TRAT1: variants seen among roughly 807,000 people sequenced by gnomAD.
The protein encoded by TRAT1 is T-cell receptor-associated transmembrane adapter 1.
TRAT1 carries 20 observed loss-of-function variants against 20.0 expected under a neutral mutation model. The observed-to-expected ratio is 1.00, with a 90% CI of 0.70 to 1.45. The LOEUF (loss-of-function observed/expected upper bound fraction) is 1.45, where lower values mean the gene tolerates loss of function less well. Among genes scored for constraint, TRAT1 ranks in the 40% most tolerant of loss-of-function variants. TRAT1 has a pLI of 0.00. For missense variants in TRAT1, 237 were observed against 224.1 expected (o/e 1.06, Z -0.37); for synonymous variants, 77 against 74.2 (o/e 1.04, Z -0.20).
At chr3:108,841,460 T>C (rs1293816340) in intron 3 of TRAT1, among the ~76,000 whole-genome samples, 1 of 152,068 alleles carries the variant, frequency 6.6e-6, no homozygotes, top group Non-Finnish European at 1.5e-5. Context: ...CTGAATCCAT[T>C]AAACATTAAA....
chr3:108,836,002 C>T (rs574741964), intron 2 of TRAT1, among the ~76,000 whole-genome samples: 1 of 152,294 alleles, frequency 6.6e-6, no homozygotes, highest in Admixed American at 6.5e-5. Context: ...TCACTACAAC[C>T]TCTGCCTCCT....
At chr3:108,824,022 C>G (rs1945715191) in intron 1 of TRAT1, among the ~76,000 whole-genome samples, 1 of 152,120 alleles carries the variant, frequency 6.6e-6, no homozygotes, top group Non-Finnish European at 1.5e-5. Flanking sequence ...CAGGCGCGTG[C>G]CACCACGCCT....
intron 2 of TRAT1, among the ~76,000 whole-genome samples, chr3:108,831,248 T>C (rs2107507609): frequency 6.6e-6 from 1 of 152,250 alleles, no homozygotes; most frequent in South Asian, 2.1e-4. Flanking sequence ...AAGGAAGAGA[T>C]TGAACCATGG....
chr3:108,823,188 A>G (rs1945708545), intron 1 of TRAT1, among the ~76,000 whole-genome samples: 1 of 152,188 alleles, frequency 6.6e-6, no homozygotes, highest in Non-Finnish European at 1.5e-5. Flanking sequence ...TTCACTGATA[A>G]TTATGCCATG....
intron 2 of TRAT1, among the ~76,000 whole-genome samples, chr3:108,837,802 T>C (rs1945853307): frequency 6.6e-6 from 1 of 152,206 alleles, no homozygotes; most frequent in South Asian, 2.1e-4. Flanking sequence ...GAAAATTTAC[T>C]GATGAATGGA....
chr3:108,843,865 T>G (rs915756426), intron 3 of TRAT1, among the ~76,000 whole-genome samples: 1 of 152,228 alleles, frequency 6.6e-6, no homozygotes, highest in Non-Finnish European at 1.5e-5. Flanking sequence ...ACCTCCCTCT[T>G]TGGTTTTCTT....
chr3:108,849,237 G>A lies in TRAT1; in HGVS notation c.286G>A (p.Ala96Thr), dbSNP rs1248320854. The A allele has an allele frequency of 5.0e-6, 8 of 1,614,056 alleles. No individual in the cohort carries two copies. Among genetic ancestry groups the A allele is most frequent in the Non-Finnish European group, 6.8e-6 (8 of 1,179,968 alleles). The change falls in exon 5 of 6, where the codon GCC (alanine) becomes ACC (threonine). Residue 96 changes from alanine to threonine, a missense_variant. Ala to Thr is a moderately conservative substitution (Grantham distance 58). Transcript: ENST00000295756. ...GAAATCTGTAAATAAGATGCAGGAA[G>A]CCACCCCATCTGCACAGGTGAGTTT... ...PEKSVNKMQEATPSAQATNET... is the reference protein window; with the variant it reads ...PEKSVNKMQETTPSAQATNET...
chr3:108,826,424 T>C (rs1315359874), intron 1 of TRAT1, among the ~76,000 whole-genome samples: 1 of 152,152 alleles, frequency 6.6e-6, no homozygotes. Context: ...AACAGCATGG[T>C]ATTTTACTTG....
rs1039304646 is a variant in TRAT1, at chr3:108,853,846, T to C, written c.530T>C (p.Leu177Ser). Reference protein sequence around the residue: ...IHDDPIRLFGLIRAKREPIN With the variant: ...IHDDPIRLFGSIRAKREPIN ...GATGATCCCATCAGACTGTTTGGAT[T>C]GATCCGTGCTAAGAGAGAACCTATA... Residue 177 changes from leucine (L) to serine (S), a missense_variant, in exon 6 of 6, where the codon TTG becomes TCG. Physicochemically the swap from Leu to Ser is moderately radical, Grantham distance 145. Transcript: ENST00000295756. 3.1e-6 allele frequency: 5 copies of C among 1,613,986 alleles called. No homozygotes were observed. The African/African-American group carries it at 6.7e-5, about 22-fold the overall frequency.
At chr3:108,843,946 A>T (rs1038020456) in intron 3 of TRAT1, among the ~76,000 whole-genome samples, 1 of 152,198 alleles carries the variant, frequency 6.6e-6, no homozygotes, top group African/African-American at 2.4e-5. Flanking sequence ...CCAGGGCCTC[A>T]TTCCATAAAT....
chr3:108,831,355 T>C (rs1189970963), intron 2 of TRAT1, among the ~76,000 whole-genome samples: 1 of 152,156 alleles, frequency 6.6e-6, no homozygotes, highest in African/African-American at 2.4e-5. Context: ...GTTTTAACCA[T>C]GTGGCTTTCA....
At chr3:108,838,558 T>A (rs948532777) in intron 2 of TRAT1, among the ~76,000 whole-genome samples, 6 of 152,162 alleles carry the variant, frequency 3.9e-5, no homozygotes, top group African/African-American at 1.4e-4. Context: ...TGCCCTGCAG[T>A]GGACTGGAGC....
intron 1 of TRAT1, among the ~76,000 whole-genome samples, chr3:108,829,474 C>T (rs984262306): frequency 1.6e-4 from 24 of 151,962 alleles, no homozygotes; most frequent in African/African-American, 5.6e-4. Flanking sequence ...ATCCCAGCTA[C>T]TTGGGAGGCT....
chr3:108,847,392 CTA>C (rs1199954083), intron 4 of TRAT1: 1 of 316,844 alleles, frequency 3.2e-6, no homozygotes, highest in East Asian at 7.1e-5. Flanking sequence ...TACAGGAAGA[CTA>C]TTACCATGAA....
chr3:108,849,115 C>T (rs1348558379), intron 4 of TRAT1, 51 bp from the exon 5 acceptor site: 1 of 1,436,314 alleles, frequency 7.0e-7, no homozygotes, highest in Non-Finnish European at 9.8e-7. Context: ...TTTAATCATA[C>T]TAGTATTTTT....
intron 5 of TRAT1, among the ~76,000 whole-genome samples, chr3:108,853,351 C>A (rs1946014149): frequency 6.6e-6 from 1 of 152,110 alleles, no homozygotes; most frequent in African/African-American, 2.4e-5. Context: ...AAGAATCAAC[C>A]TAAAATGTTC....
chr3:108,833,799 T>TACACACACACAC lies in TRAT1; in HGVS notation c.118+3041_118+3052dup, dbSNP rs3054303. ...TAGACCCTAGGGTTCTTGTAAGAATTACACACACACACACACACACACACA... is the reference window on the plus strand; with the variant it reads ...TAGACCCTAGGGTTCTTGTAAGAATTACACACACACACACACACACACACACACACACACACA... On this transcript the variant is annotated intron_variant, in intron 2 of 5. Coordinates refer to ENST00000295756, the MANE Select transcript of TRAT1 (RefSeq NM_016388.4). Among the ~76,000 whole-genome samples, 797 of 146,732 alleles carry TACACACACACAC rather than the reference T, an allele frequency of 5.4e-3. 2 individuals carry two copies. The highest frequency in any genetic ancestry group is 7.5e-3 in the African/African-American group (298 of 39,616).
intron 2 of TRAT1, among the ~76,000 whole-genome samples, chr3:108,834,979 C>T (rs1220795599): frequency 6.6e-6 from 1 of 152,172 alleles, no homozygotes; most frequent in East Asian, 1.9e-4. Flanking sequence ...GATAGGAGTG[C>T]ATTCACTTTT....
At chr3:108,851,878 A>G (rs1203251778) in intron 5 of TRAT1, among the ~76,000 whole-genome samples, 10 of 32,020 alleles carry the variant, frequency 3.1e-4, no homozygotes, top group Non-Finnish European at 5.5e-4. Context: ...AAAGTTGACC[A>G]AGTGTTGACC....
Sources: allele counts gnomAD v4.1 joint callset (sites outside exome capture counted in the v4.1 genomes callset), GRCh38; gene constraint gnomAD v4.1.1; transcripts MANE v1.5; gene names NCBI Gene and HGNC (gene_info 2026-07-23, HGNC 2026-07-21).